Variants in MX2 observed in about 807,000 individuals in gnomAD.
The protein encoded by MX2 is interferon-induced GTP-binding protein Mx2.
Under a neutral mutation model 74.0 loss-of-function variants are expected in MX2, and 51 were observed. The observed-to-expected ratio is 0.69, with a 90% CI of 0.55 to 0.87. The LOEUF (loss-of-function observed/expected upper bound fraction) is 0.87. Ranked by LOEUF, MX2 falls within the 40% of genes least tolerant of loss-of-function variation. The pLI is 0.00. For synonymous variants in MX2, 369 were observed against 339.3 expected (o/e 1.09, Z -0.96); for missense variants, 832 against 908.7 (o/e 0.92, Z 1.09).
At chr21:41,378,869 T>C (rs1451186187) in intron 3 of MX2, among the ~76,000 whole-genome samples, 8 of 152,058 alleles carry the variant, frequency 5.3e-5, no homozygotes, top group Admixed American at 4.6e-4. Context: ...CCCAGCTCCT[T>C]CTCCTCCCTG....
chr21:41,369,771 C>T (rs1353451071), intron 1 of MX2, among the ~76,000 whole-genome samples: 1 of 152,090 alleles, frequency 6.6e-6, no homozygotes, highest in African/African-American at 2.4e-5. Context: ...CAGAGCCTTG[C>T]GATCAGTCAC....
At chr21:41,391,943 C>T (rs1415404859) in intron 6 of MX2, among the ~76,000 whole-genome samples, 1 of 152,094 alleles carries the variant, frequency 6.6e-6, no homozygotes, top group Non-Finnish European at 1.5e-5. Flanking sequence ...AGGTATCAAG[C>T]CTAGTACCTA....
chr21:41,408,009 G>A lies in MX2; in HGVS notation c.1924G>A (p.Ala642Thr), dbSNP rs149739484. Residue 642 changes from alanine to threonine, a missense_variant, in exon 14 of 14, where the codon GCC (alanine) becomes ACC (threonine). By Grantham distance (58) the Ala-to-Thr change is moderately conservative (BLOSUM62 0). Coordinates refer to ENST00000330714, the MANE Select transcript of MX2 (RefSeq NM_002463.2). Reference sequence around the variant, plus strand: ...CTTCCAGGAAACCAGCAAACGTCTCGCCAACCAGATCCCATTTATAATTCA... The same window carrying A: ...CTTCCAGGAAACCAGCAAACGTCTCACCAACCAGATCCCATTTATAATTCA... ...AYFLETSKRLANQIPFIIQYF... is the reference protein window; with the variant it reads ...AYFLETSKRLTNQIPFIIQYF... 146 of 1,613,980 alleles carry A rather than the reference G, an allele frequency of 9.0e-5. No individual in the cohort carries two copies. The highest frequency in any genetic ancestry group is 2.2e-5 in the South Asian group (2 of 91,078).
intron 1 of MX2, among the ~76,000 whole-genome samples, chr21:41,362,947 C>G (rs906929935): frequency 6.6e-6 from 1 of 151,658 alleles, no homozygotes; most frequent in Admixed American, 6.6e-5. Flanking sequence ...TTTGTAGAGA[C>G]AGGGGCTCTC....
chr21:41,407,933 C>T, intron 13 of MX2, 58 bp from the exon 14 acceptor site: 1 of 1,598,964 alleles, frequency 6.3e-7, no homozygotes, highest in Non-Finnish European at 8.5e-7. Context: ...CTTCTCTCTG[C>T]AACCACAGGC....
intron 6 of MX2, among the ~76,000 whole-genome samples, chr21:41,393,141 A>G (rs997365767): frequency 2.5e-4 from 32 of 130,346 alleles, no homozygotes; most frequent in African/African-American, 1.3e-3. Flanking sequence ...AGAAAGAAAG[A>G]AAAGAAAAAA....
chr21:41,370,902 G>A (rs1208994771), intron 1 of MX2, among the ~76,000 whole-genome samples: 1 of 152,204 alleles, frequency 6.6e-6, no homozygotes, highest in Admixed American at 6.5e-5. Flanking sequence ...GTAGGGGAAT[G>A]CTCACGATTT....
At chr21:41,391,135 ATT>A (rs922001221) in intron 6 of MX2, among the ~76,000 whole-genome samples, 14 of 152,176 alleles carry the variant, frequency 9.2e-5, no homozygotes, top group Admixed American at 2.6e-4. Flanking sequence ...TACAAGTGCT[ATT>A]GTTCTTGTTC....
chr21:41,364,069 T>G (rs1472764316), intron 1 of MX2: 1 of 154,444 alleles, frequency 6.5e-6, no homozygotes, highest in Non-Finnish European at 1.5e-5. Flanking sequence ...AAAAGCATTC[T>G]GGAGCCAGAG....
chr21:41,389,950 A>C (rs1265520951), intron 5 of MX2: 2 of 152,334 alleles, frequency 1.3e-5, no homozygotes, highest in East Asian at 1.9e-4. Context: ...CAGTCTAATA[A>C]ATTTTATTAG....
At chr21:41,362,927 T>G (rs2089229267) in intron 1 of MX2, among the ~76,000 whole-genome samples, 1 of 151,350 alleles carries the variant, frequency 6.6e-6, no homozygotes, top group African/African-American at 2.4e-5. Context: ...CCTGGTTAAT[T>G]TTATTTCTTT....
At position 41,398,945 on chromosome 21, in the gene MX2, G is replaced by A. The variant is rs751539273; in HGVS notation, c.1198G>A (p.Ala400Thr). 11 of 1,613,920 alleles carry A rather than the reference G, an allele frequency of 6.8e-6. No individual in the cohort carries two copies. In the Admixed American group the frequency reaches 8.3e-5, roughly 12 times the overall value. ...ACAAATAAGGGAGAGCCACCAGAAG[G>A]CGACCGAGGAGCTGCGGCGTTGCGG... ...EGQIRESHQK[A>T]TEELRRCGAD... The change falls in exon 9 of 14, where the codon GCG becomes ACG. Residue 400 changes from alanine to threonine, a missense_variant. Transcript: ENST00000330714.
chr21:41,368,051 C>T lies in MX2; in HGVS notation c.-72+5996C>T, dbSNP rs1400752750. 6.6e-6 allele frequency among the ~76,000 whole-genome samples: 1 copy of T among 152,194 alleles called. No homozygotes were observed. Among genetic ancestry groups the T allele is most frequent in the Non-Finnish European group, 1.5e-5 (1 of 68,036 alleles). ...CACTTTCTCTTCAAGTCAAGGTCCA[C>T]AGCTCCCATGCTCTGCATTTATACT... is the stretch of plus-strand genomic sequence containing the variant. On this transcript the variant is annotated intron_variant, in intron 1 of 13. Transcript: ENST00000330714. This position sits in a 1 kb window ranked among gnomAD's most constrained non-coding sequence, Gnocchi z 4.6.
chr21:41,395,481 G>A, intron 6 of MX2, 106 bp from the exon 7 acceptor site: 1 of 930,632 alleles, frequency 1.1e-6, no homozygotes, highest in Non-Finnish European at 1.7e-6. Context: ...GATCAAGACT[G>A]CAGAAGACCT....
intron 12 of MX2, among the ~76,000 whole-genome samples, chr21:41,405,591 C>T (rs1362132669): frequency 6.6e-6 from 1 of 152,072 alleles, no homozygotes. Flanking sequence ...AATACCATTA[C>T]CTTCCTACTT....
Position 41,377,072 on chromosome 21 carries a change from G to A in MX2, c.166G>A (p.Ala56Thr), listed in dbSNP as rs937421854. 6.8e-6 allele frequency: 11 copies of A among 1,614,188 alleles called. No homozygotes were observed. The highest frequency in any genetic ancestry group is 1.7e-5 in the Admixed American group (1 of 60,026). Residue 56 changes from alanine (A) to threonine (T), a missense_variant, in exon 2 of 14, where the codon GCT (alanine) becomes ACT (threonine). Transcript: ENST00000330714. The part of the protein sequence containing the change: ...PPNWQGAEKD[A>T]AFLAKDFNFL... ...AAACTGGCAGGGGGCAGAGAAGGAC[G>A]CTGCTTTCCTCGCCAAGGACTTCAA...
rs1375004468 is a variant in MX2, at chr21:41,377,129, G to A, written c.223G>A (p.Gly75Arg). 6.2e-7 allele frequency: 1 copy of A among 1,614,092 alleles called. No homozygotes were observed. The highest frequency in any genetic ancestry group is 8.5e-7 in the Non-Finnish European group (1 of 1,180,044). Residue 75 changes from glycine (G) to arginine (R), a missense_variant, in exon 2 of 14, where the codon GGA becomes AGA. Gly to Arg is a moderately radical substitution (Grantham distance 125, BLOSUM62 -2). Transcript: ENST00000330714. ...CACTTTGAACAATCAGCCACCACCA[G>A]GAAACAGGAGCCAACCAAGGGCAAT... ...FLTLNNQPPP[G>R]NRSQPRAMGP...
chr21:41,382,926 T>C lies in MX2; in HGVS notation c.732+362T>C, dbSNP rs74519680. 7.4e-3 allele frequency among the ~76,000 whole-genome samples: 1,124 copies of C among 152,346 alleles called. 19 individuals are homozygous for C. The highest frequency in any genetic ancestry group is 0.026 in the African/African-American group (1,061 of 41,574). On this transcript the variant is annotated intron_variant, in intron 5 of 13. Transcript: ENST00000330714. ...TCCATTTTGGCAATATTTTAAAAAA[T>C]GAATGTTACATAAGTCATAACATGG...
Position 41,368,833 on chromosome 21 carries a change from A to G in MX2, c.-72+6778A>G, listed in dbSNP as rs1024809600. Among the ~76,000 whole-genome samples, 2 of 152,130 alleles carry G rather than the reference A, an allele frequency of 1.3e-5. No homozygotes were observed. The highest frequency in any genetic ancestry group is 4.8e-5 in the African/African-American group (2 of 41,428). On this transcript the variant is annotated intron_variant, in intron 1 of 13. Transcript: ENST00000330714. The surrounding 1 kb of genome is among the most constrained non-coding windows in gnomAD (Gnocchi z 4.6). ...TCCTGGACCCCTGACTTCGTCACCA[A>G]GGGCAGCTGGCTCCAGCTCTCAGCC... is the stretch of plus-strand genomic sequence containing the variant.
Sources: allele counts gnomAD v4.1 joint callset (sites outside exome capture counted in the v4.1 genomes callset), GRCh38; gene constraint gnomAD v4.1.1; non-coding constraint Gnocchi (gnomAD v3.1); transcripts MANE v1.5; gene names NCBI Gene and HGNC (gene_info 2026-07-23, HGNC 2026-07-21).